Variants in KLHL28 observed in about 807,000 individuals in gnomAD.
KLHL28 encodes the protein kelch-like protein 28.
A neutral mutation model predicts 48.3 loss-of-function variants in KLHL28; 22 were observed. That is an observed-to-expected ratio of 0.46 (90% CI 0.33 to 0.65). The LOEUF (loss-of-function observed/expected upper bound fraction) is 0.65, where lower values mean the gene tolerates loss of function less well. Among genes scored for constraint, KLHL28 ranks in the 30% least tolerant of loss-of-function variants. KLHL28 has a pLI of 0.03. For synonymous variants in KLHL28, 243 were observed against 242.4 expected (o/e 1.00, Z -0.02); for missense variants, 527 against 704.3 (o/e 0.75, Z 2.85).
intron 1 of KLHL28, among the ~76,000 whole-genome samples, chr14:44,947,429 T>C (rs1884385465): frequency 6.6e-6 from 1 of 152,240 alleles, no homozygotes; most frequent in Admixed American, 6.5e-5. Flanking sequence ...ACTGAGTTTG[T>C]GTAATTTGTT....
At chr14:44,946,548 A>G (rs1000347698) in intron 1 of KLHL28, among the ~76,000 whole-genome samples, 1 of 142,286 alleles carries the variant, frequency 7.0e-6, no homozygotes, top group Non-Finnish European at 1.5e-5. Flanking sequence ...TACCCACTCA[A>G]CTCTTTTTTT....
Position 44,934,507 on chromosome 14 carries a change from T to C in KLHL28, c.951A>G (p.Leu317=). 1 of 1,612,744 alleles carries C rather than the reference T, an allele frequency of 6.2e-7. No individual in the cohort carries two copies. Among genetic ancestry groups the C allele is most frequent in the Non-Finnish European group, 8.5e-7 (1 of 1,179,310 alleles). ...QNDSWIGLAP[L]NIPRYEFGIC... The stretch of plus-strand genomic sequence containing the variant: ...TTCCAAATTCATAGCGAGGAATGTT[T>C]AGGGGTGCCAAACCAATCCAAGAGT... Residue 317 remains leucine, a synonymous_variant, in exon 3 of 5, where the codon CTA becomes CTG. Coordinates refer to ENST00000396128, the MANE Select transcript of KLHL28 (RefSeq NM_017658.5).
intron 1 of KLHL28, among the ~76,000 whole-genome samples, chr14:44,958,895 A>C (rs889931234): frequency 1.3e-5 from 2 of 152,062 alleles, no homozygotes; most frequent in Non-Finnish European, 2.9e-5. Context: ...GATAAACCTA[A>C]GTAGATGAAA....
In KLHL28 at chr14:44,928,684, TAAA is replaced by T. The variant is rs397968833; in HGVS notation, c.*341_*343del. 8.2e-4 allele frequency: 64 copies of T among 78,122 alleles called. No homozygotes were observed. The highest frequency in any genetic ancestry group is 2.2e-3 in the South Asian group (5 of 2,296). The allele number at this position is 78,122 out of a possible 1,614,324, so 4.8% of individuals were successfully genotyped here. ...GGTTATCAGGGAAGGAGAGCTAAAA[TAAA>T]AAAAAAAAAAAAAAAAAAGCAGCCA... On this transcript the variant is annotated 3_prime_UTR_variant, in exon 5 of 5. Transcript: ENST00000396128.
At chr14:44,940,014 C>T (rs1173471680) in intron 2 of KLHL28, among the ~76,000 whole-genome samples, 3 of 152,198 alleles carry the variant, frequency 2.0e-5, no homozygotes, top group Admixed American at 6.5e-5. Flanking sequence ...GTTTATTTGG[C>T]TTTCAGTTTT....
At chr14:44,935,874 GTA>G (rs1241121406) in intron 2 of KLHL28, among the ~76,000 whole-genome samples, 19 of 22,356 alleles carry the variant, frequency 8.5e-4, no homozygotes, top group South Asian at 2.3e-3. Context: ...GTATGTGTAT[GTA>G]TATATATATG....
chr14:44,928,815 C>G lies in KLHL28; in HGVS notation c.*213G>C. The G allele has an allele frequency of 7.2e-6, 2 of 279,180 alleles. No individual in the cohort carries two copies. The highest frequency in any genetic ancestry group is 6.1e-5 in the East Asian group (1 of 16,436). 17.3% of individuals were successfully genotyped at this position (279,180 alleles called of 1,614,324 possible). On this transcript the variant is annotated 3_prime_UTR_variant, in exon 5 of 5. Coordinates refer to ENST00000396128, the MANE Select transcript of KLHL28 (RefSeq NM_017658.5). ...GGCAAAGTCTTTACTTTTTTTTTTT[C>G]TCTTTTTTCTTTTTGATTATTGATT...
chr14:44,955,689 G>T (rs1333460288), intron 1 of KLHL28, among the ~76,000 whole-genome samples: 1 of 152,240 alleles, frequency 6.6e-6, no homozygotes, highest in East Asian at 1.9e-4. Context: ...GGGGGGCTGA[G>T]CTAGGAGAAT....
chr14:44,945,519 C>G lies in KLHL28; in HGVS notation c.410G>C (p.Cys137Ser). 1.2e-6 allele frequency: 2 copies of G among 1,614,144 alleles called. No homozygotes were observed. Among genetic ancestry groups the G allele is most frequent in the Non-Finnish European group, 1.7e-6 (2 of 1,180,038 alleles). The change falls in exon 2 of 5, where the codon TGT becomes TCT. Residue 137 changes from cysteine to serine, a missense_variant. Coordinates refer to ENST00000396128, the MANE Select transcript of KLHL28 (RefSeq NM_017658.5). ...TTCTGCAAAACGAGAAATTCCAATA[C>G]AATTACCAGGATCAAGTTGGCTTTC... ...FLESQLDPGN[C>S]IGISRFAETY...
At chr14:44,939,151 C>T (rs1474679859) in intron 2 of KLHL28, among the ~76,000 whole-genome samples, 1 of 152,194 alleles carries the variant, frequency 6.6e-6, no homozygotes, top group Admixed American at 6.5e-5. Flanking sequence ...TGAGCCACAG[C>T]TGGGGAAGCT....
Position 44,934,402 on chromosome 14 carries a change from A to G in KLHL28, c.1056T>C (p.His352=). The G allele has an allele frequency of 1.9e-6, 3 of 1,614,122 alleles. No individual in the cohort carries two copies. The highest frequency in any genetic ancestry group is 1.3e-5 in the African/African-American group (1 of 75,032). The change falls in exon 3 of 5, where the codon CAT becomes CAC. Residue 352 remains histidine (H), a synonymous_variant. Transcript: ENST00000396128. ...NVRPGVTIRK[H]ENSVECWNPD... is the part of the protein sequence containing the mutation. ...GATTCCAGCATTCCACTGAATTTTC[A>G]TGTTTTCTGATAGTGACGCCAGGAC...
At chr14:44,944,484 A>G (rs1490982025) in intron 2 of KLHL28, among the ~76,000 whole-genome samples, 4 of 152,140 alleles carry the variant, frequency 2.6e-5, no homozygotes, top group African/African-American at 9.7e-5. Flanking sequence ...GGGGAAAAAC[A>G]TATTTCTTAA....
chr14:44,955,370 C>T (rs1368891928), intron 1 of KLHL28, among the ~76,000 whole-genome samples: 1 of 152,042 alleles, frequency 6.6e-6, no homozygotes. Context: ...AACTGACCAT[C>T]CCGGTAGCAA....
intron 2 of KLHL28, among the ~76,000 whole-genome samples, chr14:44,936,644 G>A (rs896329391): frequency 6.6e-6 from 1 of 152,174 alleles, no homozygotes; most frequent in African/African-American, 2.4e-5. Context: ...AAGGCTCCAT[G>A]TGAGACAAGT....
rs1406804651 is a variant in KLHL28, at chr14:44,941,497, G to A, written c.899+3533C>T. Among the ~76,000 whole-genome samples the A allele has an allele frequency of 2.0e-5, 3 of 151,698 alleles. No individual in the cohort carries two copies. The East Asian group carries it at 5.9e-4, about 30-fold the overall frequency. ...TACAAAATTAGCTGGGCGTGGTGGT[G>A]CAAGCCTGTAATCCCAGCTACTCGG... On this transcript the variant is annotated intron_variant, in intron 2 of 4. Coordinates refer to ENST00000396128, the MANE Select transcript of KLHL28 (RefSeq NM_017658.5).
At chr14:44,929,277 G>A (rs1883486970) in intron 4 of KLHL28, 86 bp from the exon 5 acceptor site, 5 of 1,157,926 alleles carry the variant, frequency 4.3e-6, no homozygotes, top group Middle Eastern at 2.6e-4. Flanking sequence ...GTATTTTAAT[G>A]TTTTATTAAA....
rs923416733 is a variant in KLHL28, at chr14:44,961,903, C to G, written c.-58G>C. ...GAGGAGGAACCGCGGACAACTGGAG[C>G]CTGGGCTGGATCCTCACTAGCTCCG... On this transcript the variant is annotated 5_prime_UTR_variant, in exon 1 of 5. Transcript: ENST00000396128. 6.5e-6 allele frequency: 1 copy of G among 153,024 alleles called. No homozygotes were observed. Among genetic ancestry groups the G allele is most frequent in the Non-Finnish European group, 1.5e-5 (1 of 68,670 alleles). The allele number at this position is 153,024 out of a possible 1,614,324, so 9.5% of individuals were successfully genotyped here.
At chr14:44,939,328 T>C (rs1285988532) in intron 2 of KLHL28, among the ~76,000 whole-genome samples, 2 of 152,146 alleles carry the variant, frequency 1.3e-5, no homozygotes, top group Non-Finnish European at 2.9e-5. Context: ...CTTTCTCCCA[T>C]TGTCTTGACT....
intron 1 of KLHL28, among the ~76,000 whole-genome samples, chr14:44,953,292 G>A (rs1367139236): frequency 6.6e-6 from 1 of 152,002 alleles, no homozygotes; most frequent in Non-Finnish European, 1.5e-5. Flanking sequence ...ACACCAACAG[G>A]ATAAATTACA....
Sources: gnomAD v4.1 joint callset for allele counts (sites outside exome capture counted in the v4.1 genomes callset) on GRCh38, gnomAD v4.1.1 for gene constraint, MANE v1.5 for transcripts, NCBI Gene and HGNC (gene_info 2026-07-23, HGNC 2026-07-21) for gene names.